GRIP1: variants seen among roughly 807,000 people sequenced by gnomAD.
GRIP1 encodes the protein glutamate receptor-interacting protein 1.
GRIP1 carries 45 observed loss-of-function variants against 129.9 expected under a neutral mutation model. The observed-to-expected ratio is 0.35, with a 90% CI of 0.27 to 0.44. The LOEUF is 0.44. Among genes scored for constraint, GRIP1 ranks in the 20% least tolerant of loss-of-function variants. The pLI is 1.00. For synonymous variants in GRIP1, 530 were observed against 520.8 expected (o/e 1.02, Z -0.24); for missense variants, 1,196 against 1,396.8 (o/e 0.86, Z 2.29).
chr12:66,653,904 G>A (rs1338519093), intron 1 of GRIP1, among the ~76,000 whole-genome samples: 1 of 152,216 alleles, frequency 6.6e-6, no homozygotes, highest in Non-Finnish European at 1.5e-5. Flanking sequence ...GGACTGGACA[G>A]AGGCTGTGAT....
chr12:66,641,657 A>G (rs1319158312), intron 1 of GRIP1, among the ~76,000 whole-genome samples: 1 of 152,210 alleles, frequency 6.6e-6, no homozygotes, highest in Non-Finnish European at 1.5e-5. Context: ...ACAAGCTCTG[A>G]GGAAATGTTA....
At chr12:66,506,299 A>G (rs1480567329) in intron 7 of GRIP1, among the ~76,000 whole-genome samples, 1 of 152,204 alleles carries the variant, frequency 6.6e-6, no homozygotes, top group Admixed American at 6.5e-5. Flanking sequence ...AATAGTAATC[A>G]AATAAGGAAG....
At chr12:66,594,091 A>AAG (rs1162480362) in intron 2 of GRIP1, among the ~76,000 whole-genome samples, 2 of 150,926 alleles carry the variant, frequency 1.3e-5, no homozygotes, top group African/African-American at 2.4e-5. Flanking sequence ...AAAAAAAAAA[A>AAG]AGATTTCAGC....
At chr12:66,598,529 A>G (rs1003147110) in intron 1 of GRIP1, among the ~76,000 whole-genome samples, 1 of 152,244 alleles carries the variant, frequency 6.6e-6, no homozygotes, top group Non-Finnish European at 1.5e-5. Context: ...AAAACAAAAT[A>G]CAAAATGTAA....
intron 1 of GRIP1, among the ~76,000 whole-genome samples, chr12:66,653,850 A>G (rs540951833): frequency 6.6e-6 from 1 of 152,214 alleles, no homozygotes; most frequent in Non-Finnish European, 1.5e-5. Flanking sequence ...ACTGAAATAT[A>G]CACAATTGAG....
intron 23 of GRIP1, among the ~76,000 whole-genome samples, chr12:66,359,508 G>A (rs1020493565): frequency 3.9e-5 from 6 of 152,184 alleles, no homozygotes; most frequent in Admixed American, 2.6e-4. Context: ...AACCACAGTG[G>A]GTTAGCAGAG....
At chr12:66,827,387 T>TGTGTGTGTGA (rs755458052) in intron 1 of GRIP1, among the ~76,000 whole-genome samples, 52 of 108,294 alleles carry the variant, frequency 4.8e-4, no homozygotes, top group African/African-American at 7.2e-4. Context: ...TGTGTGTGTG[T>TGTGTGTGTGA]GAGAGAGAGA....
intron 5 of GRIP1, among the ~76,000 whole-genome samples, chr12:66,520,478 G>T (rs1368312553): frequency 6.6e-6 from 1 of 152,130 alleles, no homozygotes; most frequent in Non-Finnish European, 1.5e-5. Context: ...ACTAATACTG[G>T]CTTATTGTAA....
rs192372740 is a variant in GRIP1, at chr12:66,730,905, T to G, written c.-420+73148A>C. 1.2e-3 allele frequency among the ~76,000 whole-genome samples: 188 copies of G among 152,320 alleles called. 1 individual carries two copies. Among genetic ancestry groups the G allele is most frequent in the Non-Finnish European group, 8.8e-5 (6 of 68,016 alleles). Reference sequence around the variant, plus strand: ...TTTAATGCCTGAAACTTTAATGGCATTCTATCAATAGAATATTCTGTATTC... The same window carrying G: ...TTTAATGCCTGAAACTTTAATGGCAGTCTATCAATAGAATATTCTGTATTC... On this transcript the variant is annotated intron_variant, in intron 1 of 4. Coordinates refer to the GRIP1 transcript ENST00000538373.
At chr12:66,882,178 C>G (rs546817231) in intron 1 of GRIP1, among the ~76,000 whole-genome samples, 1 of 145,638 alleles carries the variant, frequency 6.9e-6, no homozygotes, top group African/African-American at 2.6e-5. Flanking sequence ...CCCTATTGCC[C>G]GTGCCCCATG....
At chr12:66,554,757 G>C (rs2062263008) in intron 2 of GRIP1, among the ~76,000 whole-genome samples, 1 of 152,138 alleles carries the variant, frequency 6.6e-6, no homozygotes, top group African/African-American at 2.4e-5. Flanking sequence ...TACTTTGGCA[G>C]TATTCCCCAT....
intron 1 of GRIP1, among the ~76,000 whole-genome samples, chr12:66,738,058 G>A (rs2036664263): frequency 6.6e-6 from 1 of 152,102 alleles, no homozygotes; most frequent in African/African-American, 2.4e-5. Context: ...GGGACCCCCT[G>A]GCTGGAAGGC....
intron 2 of GRIP1, among the ~76,000 whole-genome samples, chr12:66,585,958 C>T (rs1298388141): frequency 6.6e-6 from 1 of 152,158 alleles, no homozygotes; most frequent in African/African-American, 2.4e-5. Flanking sequence ...TTTATCCCCT[C>T]TTCCTCCTGC....
At chr12:66,933,702 A>ATT (rs1438765041) in intron 1 of GRIP1, among the ~76,000 whole-genome samples, 2 of 152,194 alleles carry the variant, frequency 1.3e-5, no homozygotes, top group African/African-American at 4.8e-5. Flanking sequence ...ATACCCATAA[A>ATT]TAAACCACCT....
At chr12:66,589,156 G>A (rs2063754622) in intron 2 of GRIP1, among the ~76,000 whole-genome samples, 1 of 149,668 alleles carries the variant, frequency 6.7e-6, no homozygotes, top group South Asian at 2.1e-4. Context: ...TGAAATACAT[G>A]GTAACTAGTA....
At chr12:66,865,582 TCCATCCATCCATGCATCCATCCATCCAA>T (rs893362606) in intron 1 of GRIP1, among the ~76,000 whole-genome samples, 29 of 150,468 alleles carry the variant, frequency 1.9e-4, no homozygotes, top group Non-Finnish European at 3.4e-4. Context: ...TGTTCATTAC[TCCATCCATCCATGCATCCATCCATCCAA>T]CCATCCATCC....
At chr12:66,906,256 T>C (rs1207855637) in intron 1 of GRIP1, among the ~76,000 whole-genome samples, 2 of 151,732 alleles carry the variant, frequency 1.3e-5, no homozygotes, top group Admixed American at 1.3e-4. Flanking sequence ...AGACCTCATC[T>C]CTACAAAAAC....
At chr12:66,691,890 C>G (rs1351417589) in intron 1 of GRIP1, among the ~76,000 whole-genome samples, 1 of 152,162 alleles carries the variant, frequency 6.6e-6, no homozygotes, top group African/African-American at 2.4e-5. Context: ...CTAAGACCCA[C>G]TGCTCACAGG....
At chr12:66,569,206 C>T (rs1007298499) in intron 2 of GRIP1, 2 of 203,228 alleles carry the variant, frequency 9.8e-6, no homozygotes, top group Non-Finnish European at 2.0e-5. Flanking sequence ...GTCTCTGGAG[C>T]GGTGGCTCAC....
Sources: allele counts gnomAD v4.1 joint callset (sites outside exome capture counted in the v4.1 genomes callset), GRCh38; gene constraint gnomAD v4.1.1; transcripts MANE v1.5; gene names NCBI Gene and HGNC (gene_info 2026-07-23, HGNC 2026-07-21).